ERG: variants seen among roughly 807,000 people sequenced by gnomAD.
ERG encodes the protein transcriptional regulator ERG.
Under a neutral mutation model 55.3 loss-of-function variants are expected in ERG, and 9 were observed. The observed-to-expected ratio is 0.16, with a 90% CI of 0.10 to 0.28. ERG has a LOEUF of 0.28. Ranked by LOEUF, ERG falls within the 10% of genes least tolerant of loss-of-function variation. The pLI is 1.00. For synonymous variants in ERG, 223 were observed against 237.3 expected (o/e 0.94, Z 0.55); for missense variants, 434 against 631.6 (o/e 0.69, Z 3.35).
In ERG at chr21:38,381,937, A is replaced by G; in HGVS notation, c.*1466T>C. 9.4e-7 allele frequency: 1 copy of G among 1,063,084 alleles called. No homozygotes were observed. Among genetic ancestry groups the G allele is most frequent in the Non-Finnish European group, 1.1e-6 (1 of 877,798 alleles). 65.9% of individuals were successfully genotyped at this position (1,063,084 alleles called of 1,614,324 possible). ...TTGCACAAGTTCCTGGACAAAGTAA[A>G]TTATAACACAAAATCCACAACATTC... On this transcript the variant is annotated 3_prime_UTR_variant, in exon 10 of 10. Coordinates refer to ENST00000288319, the MANE Select transcript of ERG (RefSeq NM_182918.4).
chr21:38,518,262 A>G (rs1336347051), intron 2 of ERG, among the ~76,000 whole-genome samples: 1 of 151,770 alleles, frequency 6.6e-6, no homozygotes, highest in African/African-American at 2.4e-5. Flanking sequence ...CTATCTATCT[A>G]TCTATCTATC....
At chr21:38,541,641 A>G (rs1428869976) in intron 2 of ERG, among the ~76,000 whole-genome samples, 1 of 152,242 alleles carries the variant, frequency 6.6e-6, no homozygotes, top group Non-Finnish European at 1.5e-5. Context: ...AAATACCTCA[A>G]ATTTATTTCA....
At chr21:38,558,999 C>T (rs1370157210) in intron 2 of ERG, among the ~76,000 whole-genome samples, 1 of 152,102 alleles carries the variant, frequency 6.6e-6, no homozygotes, top group Non-Finnish European at 1.5e-5. Flanking sequence ...GAAGTGATGG[C>T]GATATGGAGA....
At chr21:38,538,907 TC>T (rs2059730977) in intron 2 of ERG, among the ~76,000 whole-genome samples, 3 of 151,874 alleles carry the variant, frequency 2.0e-5, no homozygotes, top group Non-Finnish European at 4.4e-5. Context: ...ATAAATCTTT[TC>T]CTCCAGGAAC....
Position 38,383,576 on chromosome 21 carries a change from C to T in ERG, c.1267G>A (p.Ala423Thr), listed in dbSNP as rs1463420568. The T allele has an allele frequency of 1.0e-5, 16 of 1,604,372 alleles. No homozygotes were observed. Among genetic ancestry groups the T allele is most frequent in the Non-Finnish European group, 1.4e-5 (16 of 1,173,442 alleles). ...ACAAAGTTCATCTTCTGTGGGTGGG[C>T]GTGATAGGAGCCCATGTACGGGAGG... ...SDLPYMGSYHAHPQKMNFVAP... is the reference protein window; with the variant it reads ...SDLPYMGSYHTHPQKMNFVAP... Residue 423 changes from alanine (A) to threonine (T), a missense_variant, in exon 10 of 10, where the codon GCC (alanine) becomes ACC (threonine). Ala to Thr is a moderately conservative substitution (Grantham distance 58). Transcript: ENST00000288319. This position sits in a 1 kb window ranked among gnomAD's most constrained non-coding sequence, Gnocchi z 5.7.
At chr21:38,509,111 C>T (rs2059491921) in intron 2 of ERG, among the ~76,000 whole-genome samples, 1 of 152,152 alleles carries the variant, frequency 6.6e-6, no homozygotes, top group Non-Finnish European at 1.5e-5. Flanking sequence ...ATATCTATCT[C>T]AGCCCAATCA....
chr21:38,463,039 A>G (rs1328561309), intron 1 of ERG, among the ~76,000 whole-genome samples: 1 of 152,176 alleles, frequency 6.6e-6, no homozygotes, highest in Non-Finnish European at 1.5e-5. Flanking sequence ...CTCCCTGCCT[A>G]TCTCCCAGTG....
chr21:38,565,023 T>C (rs1357051890), intron 2 of ERG, among the ~76,000 whole-genome samples: 2 of 152,220 alleles, frequency 1.3e-5, no homozygotes, highest in East Asian at 1.9e-4. Flanking sequence ...TTCCTGCTCA[T>C]TGCAACTGTC....
intron 1 of ERG, among the ~76,000 whole-genome samples, chr21:38,640,119 A>C (rs2060414588): frequency 6.6e-6 from 1 of 152,242 alleles, no homozygotes; most frequent in Admixed American, 6.5e-5. Flanking sequence ...CAAGGCAATA[A>C]AAAAATCATT....
intron 2 of ERG, among the ~76,000 whole-genome samples, chr21:38,516,393 G>GA (rs2059551862): frequency 6.6e-6 from 1 of 151,402 alleles, no homozygotes; most frequent in East Asian, 1.9e-4. Flanking sequence ...AAATATCTAG[G>GA]AAAAAAATTA....
intron 2 of ERG, among the ~76,000 whole-genome samples, chr21:38,518,330 A>T (rs183637450): frequency 6.6e-6 from 1 of 152,226 alleles, no homozygotes; most frequent in African/African-American, 2.4e-5. Context: ...CTTAAAAAAA[A>T]GAGTGAGGTA....
At chr21:38,527,445 T>C (rs1380118671) in intron 2 of ERG, among the ~76,000 whole-genome samples, 2 of 152,212 alleles carry the variant, frequency 1.3e-5, no homozygotes, top group East Asian at 3.9e-4. Flanking sequence ...GAGAGAATGC[T>C]TAGTGAACGC....
intron 1 of ERG, among the ~76,000 whole-genome samples, chr21:38,448,229 T>C (rs1028746700): frequency 2.0e-5 from 3 of 152,188 alleles, no homozygotes; most frequent in African/African-American, 4.8e-5. Context: ...TTGAGATCGA[T>C]TTAGGAAGGA....
At chr21:38,575,500 T>C (rs2059989263) in intron 2 of ERG, among the ~76,000 whole-genome samples, 1 of 152,194 alleles carries the variant, frequency 6.6e-6, no homozygotes, top group Non-Finnish European at 1.5e-5. Flanking sequence ...TTACGAAATA[T>C]GCTTCTTTTG....
At chr21:38,492,727 G>A (rs1601130526) in intron 1 of ERG, among the ~76,000 whole-genome samples, 2 of 152,216 alleles carry the variant, frequency 1.3e-5, no homozygotes, top group East Asian at 1.9e-4. Context: ...GATGGGAATC[G>A]ATGTGAAATT....
chr21:38,458,793 C>G (rs990686509), intron 1 of ERG, among the ~76,000 whole-genome samples: 1 of 152,136 alleles, frequency 6.6e-6, no homozygotes, highest in African/African-American at 2.4e-5. Flanking sequence ...TTTCACAGCT[C>G]TTTAACAGAT....
intron 2 of ERG, among the ~76,000 whole-genome samples, chr21:38,431,008 C>T (rs547412274): frequency 6.6e-5 from 10 of 152,248 alleles, no homozygotes; most frequent in South Asian, 4.1e-4. Flanking sequence ...TAACTGGAGA[C>T]GTGCCCAATG....
At chr21:38,409,559 AC>A (rs1988945465) in intron 3 of ERG, among the ~76,000 whole-genome samples, 1 of 152,012 alleles carries the variant, frequency 6.6e-6, no homozygotes, top group Non-Finnish European at 1.5e-5. Flanking sequence ...GGTAGCACCA[AC>A]CAGGAAAAAT....
chr21:38,661,102 G>T (rs976212800), intron 1 of ERG, among the ~76,000 whole-genome samples: 1 of 151,384 alleles, frequency 6.6e-6, no homozygotes, highest in African/African-American at 2.4e-5. Context: ...CAGCAGGAAA[G>T]GAACCCAGCA....
Sources: gnomAD v4.1 joint callset for allele counts (sites outside exome capture counted in the v4.1 genomes callset) on GRCh38, gnomAD v4.1.1 for gene constraint, Gnocchi (gnomAD v3.1) non-coding constraint, MANE v1.5 for transcripts, NCBI Gene and HGNC (gene_info 2026-07-23, HGNC 2026-07-21) for gene names.